Variants in KCNH1 observed in about 807,000 individuals in gnomAD.
KCNH1 encodes the protein potassium voltage-gated channel subfamily H member 1.
KCNH1 carries 27 observed loss-of-function variants against 69.2 expected under a neutral mutation model. The ratio of observed to expected loss-of-function variants is 0.39; its 90% confidence interval spans 0.29 to 0.54. The LOEUF is 0.54. KCNH1 is among the 20% of genes least tolerant of loss of function. The pLI, the probability that KCNH1 is intolerant of heterozygous loss-of-function variation, is 0.68. For synonymous variants in KCNH1, 456 were observed against 487.7 expected, an observed-to-expected ratio of 0.93 and a Z score of 0.86; for missense variants, 798 against 1,261.6, an observed-to-expected ratio of 0.63 and a Z score of 5.57.
At chr1:210,688,299 C>A (rs1681450958) in intron 10 of KCNH1, among the ~76,000 whole-genome samples, 1 of 152,146 alleles carries the variant, frequency 6.6e-6, no homozygotes, top group South Asian at 2.1e-4. Flanking sequence ...GTTTCCTGTT[C>A]CAACTGAAGG....
At chr1:210,791,376 C>A (rs185482806) in intron 9 of KCNH1, among the ~76,000 whole-genome samples, 2 of 152,322 alleles carry the variant, frequency 1.3e-5, no homozygotes, top group South Asian at 2.1e-4. Context: ...CTGTGGGGAA[C>A]AACTGGGGCT....
At chr1:210,786,710 C>A (rs1488032786) in intron 9 of KCNH1, among the ~76,000 whole-genome samples, 1 of 152,152 alleles carries the variant, frequency 6.6e-6, no homozygotes, top group Non-Finnish European at 1.5e-5. Context: ...TCAGCTCAAA[C>A]CCACAGATCT....
chr1:211,040,155 C>A (rs1202540500), intron 5 of KCNH1, among the ~76,000 whole-genome samples: 2 of 146,428 alleles, frequency 1.4e-5, no homozygotes, highest in Non-Finnish European at 3.0e-5. Context: ...CGTGCCACTG[C>A]ACTCTAGTCT....
intron 6 of KCNH1, among the ~76,000 whole-genome samples, chr1:210,990,711 G>T (rs1434122671): frequency 6.6e-6 from 1 of 152,132 alleles, no homozygotes; most frequent in East Asian, 1.9e-4. Flanking sequence ...CAATTGTGAG[G>T]ATTTAATGTG....
intron 6 of KCNH1, among the ~76,000 whole-genome samples, chr1:210,927,742 G>T (rs1395413371): frequency 6.6e-6 from 1 of 152,018 alleles, no homozygotes; most frequent in Non-Finnish European, 1.5e-5. Flanking sequence ...TGGCCTAAAG[G>T]CTCCACTTAA....
intron 7 of KCNH1, among the ~76,000 whole-genome samples, chr1:210,896,550 TAC>T (rs1686871540): frequency 6.6e-6 from 1 of 152,202 alleles, no homozygotes; most frequent in African/African-American, 2.4e-5. Context: ...ACAGAATAAG[TAC>T]AGAGTCCTGG....
At chr1:211,094,652 A>G (rs999613140) in intron 3 of KCNH1, among the ~76,000 whole-genome samples, 1 of 152,202 alleles carries the variant, frequency 6.6e-6, no homozygotes, top group Non-Finnish European at 1.5e-5. Context: ...GCTCCACTCC[A>G]GGGAGTGCTG....
At position 210,951,627 on chromosome 1, in the gene KCNH1, C is replaced by T. The variant is rs576181689; in HGVS notation, c.1033-31558G>A. Among the ~76,000 whole-genome samples, 10 of 152,224 alleles carry T rather than the reference C, an allele frequency of 6.6e-5. No individual in the cohort carries two copies. In the South Asian group the frequency reaches 1.5e-3, roughly 22 times the overall value. ...TCAGCTTTCCTCAGGCATAGAAAAA[C>T]GTATTGGTAATAGGATAAAATCCAG... On this transcript the variant is annotated intron_variant, in intron 6 of 10. Transcript: ENST00000271751.
At chr1:210,738,559 T>TA (rs2149035514) in intron 10 of KCNH1, among the ~76,000 whole-genome samples, 1 of 117,854 alleles carries the variant, frequency 8.5e-6, no homozygotes, top group South Asian at 2.9e-4. Flanking sequence ...TTGCTTTTTT[T>TA]TTTTTTTTTT....
At chr1:211,070,808 C>T (rs1345369439) in intron 5 of KCNH1, among the ~76,000 whole-genome samples, 2 of 141,324 alleles carry the variant, frequency 1.4e-5, no homozygotes, top group Admixed American at 7.5e-5. Flanking sequence ...GGGGACAGAG[C>T]GAGACTCCAT....
chr1:211,085,542 G>C (rs1338999619), intron 4 of KCNH1, among the ~76,000 whole-genome samples: 1 of 151,994 alleles, frequency 6.6e-6, no homozygotes, highest in African/African-American at 2.4e-5. Context: ...AAGAGACCAT[G>C]TGGGCCTGGA....
intron 10 of KCNH1, among the ~76,000 whole-genome samples, chr1:210,706,180 G>A (rs1218821348): frequency 6.6e-6 from 1 of 152,130 alleles, no homozygotes; most frequent in East Asian, 1.9e-4. Flanking sequence ...GCCTTCTGTA[G>A]TAAACAGGAA....
chr1:210,865,206 C>T (rs1167687775), intron 7 of KCNH1, among the ~76,000 whole-genome samples: 1 of 152,142 alleles, frequency 6.6e-6, no homozygotes, highest in African/African-American at 2.4e-5. Flanking sequence ...ACATATGCCC[C>T]CATAGTCTCC....
At chr1:210,870,338 C>G (rs529513213) in intron 7 of KCNH1, among the ~76,000 whole-genome samples, 4 of 152,282 alleles carry the variant, frequency 2.6e-5, no homozygotes, top group South Asian at 4.1e-4. Flanking sequence ...CTAATACTGT[C>G]TCAGTGATGT....
At chr1:210,958,766 A>G (rs1208205804) in intron 6 of KCNH1, among the ~76,000 whole-genome samples, 1 of 152,170 alleles carries the variant, frequency 6.6e-6, no homozygotes, top group African/African-American at 2.4e-5. Flanking sequence ...CCATCAGGTC[A>G]TTTAGGGTCT....
At chr1:210,716,853 T>A (rs1682268071) in intron 10 of KCNH1, among the ~76,000 whole-genome samples, 1 of 152,156 alleles carries the variant, frequency 6.6e-6, no homozygotes, top group Non-Finnish European at 1.5e-5. Context: ...TTGCTATGAT[T>A]TTTTGGGGCT....
intron 7 of KCNH1, among the ~76,000 whole-genome samples, chr1:210,816,104 T>G: frequency 6.6e-6 from 1 of 152,176 alleles, no homozygotes; most frequent in East Asian, 1.9e-4. Context: ...TATCCCCTCA[T>G]TTCTCTTCAA....
chr1:210,950,247 T>A (rs1688038361), intron 6 of KCNH1, among the ~76,000 whole-genome samples: 1 of 151,694 alleles, frequency 6.6e-6, no homozygotes, highest in Non-Finnish European at 1.5e-5. Context: ...ACTTTAAGTT[T>A]TAGGGTACAT....
intron 5 of KCNH1, among the ~76,000 whole-genome samples, chr1:211,023,417 A>T (rs1202678509): frequency 6.6e-6 from 1 of 151,732 alleles, no homozygotes; most frequent in African/African-American, 2.4e-5. Context: ...TTGACAGATG[A>T]ATGGAAAAAC....
Sources: allele counts gnomAD v4.1 joint callset (sites outside exome capture counted in the v4.1 genomes callset), GRCh38; gene constraint gnomAD v4.1.1; transcripts MANE v1.5; gene names NCBI Gene and HGNC (gene_info 2026-07-23, HGNC 2026-07-21).